Variants in SORCS3 observed in about 807,000 individuals in gnomAD.
The protein encoded by SORCS3 is sortilin related VPS10 domain containing receptor 3.
In SORCS3, 57 loss-of-function variants were observed where a neutral mutation model predicts 146.3. The ratio of observed to expected loss-of-function variants is 0.39; its 90% CI spans 0.31 to 0.49. SORCS3 has a LOEUF of 0.49. Among genes scored for constraint, SORCS3 ranks in the 20% least tolerant of loss-of-function variants. The probability of loss-of-function intolerance (pLI) is 0.92; values close to 1 mark genes in which losing one functional copy is unlikely to be tolerated. For synonymous variants in SORCS3, 653 were observed against 618.5 expected (o/e 1.06, Z -0.83); for missense variants, 1,341 against 1,575.5 (o/e 0.85, Z 2.52).
chr10:104,735,456 G>GTTTTTTTCTTTTTTT (rs2016757681), intron 1 of SORCS3, among the ~76,000 whole-genome samples: 1 of 34,992 alleles, frequency 2.9e-5, no homozygotes, highest in Non-Finnish European at 4.8e-5. Flanking sequence ...CTCACCGTCT[G>GTTTTTTTCTTTTTTT]TTTTTTTTTT....
chr10:105,061,794 T>C (rs1416972645), intron 5 of SORCS3, among the ~76,000 whole-genome samples: 1 of 152,076 alleles, frequency 6.6e-6, no homozygotes. Flanking sequence ...ATAGCACTTG[T>C]GTAGCTGGGA....
rs576532444 is a variant in SORCS3 at position 105,159,569 on chromosome 10, TAA to T, written c.1732+577_1732+578del. 3.1e-4 allele frequency among the ~76,000 whole-genome samples: 47 copies of T among 152,344 alleles called. 2 individuals carry two copies. The highest frequency in any genetic ancestry group is 2.4e-3 in the Admixed American group (37 of 15,300). On this transcript the variant is annotated intron_variant, in intron 11 of 26. Coordinates refer to ENST00000369701, the MANE Select transcript of SORCS3 (RefSeq NM_014978.3). Reference sequence around the variant, plus strand: ...GATAAAGCAACTCTGAGATGAAAGCTAAAGTCTCCGGGGAGTATGCTCTGATT... The same window carrying T: ...GATAAAGCAACTCTGAGATGAAAGCTAGTCTCCGGGGAGTATGCTCTGATT...
chr10:105,146,532 A>T (rs2056132391), intron 8 of SORCS3, among the ~76,000 whole-genome samples: 1 of 152,050 alleles, frequency 6.6e-6, no homozygotes, highest in Admixed American at 6.6e-5. Context: ...GAAAGACCAG[A>T]GACTCTGGTT....
intron 20 of SORCS3, among the ~76,000 whole-genome samples, chr10:105,233,767 C>A (rs2056778005): frequency 6.6e-6 from 1 of 152,170 alleles, no homozygotes; most frequent in Non-Finnish European, 1.5e-5. Context: ...GCATAGTATT[C>A]CATGGTGTAT....
chr10:105,021,790 G>T (rs2055199821), intron 4 of SORCS3, among the ~76,000 whole-genome samples: 1 of 152,200 alleles, frequency 6.6e-6, no homozygotes, highest in Non-Finnish European at 1.5e-5. Context: ...AGAGGAGAAA[G>T]TTGAGAGAGA....
intron 1 of SORCS3, among the ~76,000 whole-genome samples, chr10:104,736,143 C>T (rs550581785): frequency 2.0e-5 from 3 of 152,280 alleles, no homozygotes; most frequent in Non-Finnish European, 4.4e-5. Flanking sequence ...TGTCCTCCTG[C>T]GACTGGACTA....
Position 104,930,678 on chromosome 10 carries a change from T to C in SORCS3, c.795+14746T>C, listed in dbSNP as rs1011992804. ...CAGTGCCAAGCACTGGCATTCCCAC[T>C]TGGAAGCCCCCATAGGGCAGGGGCT... On this transcript the variant is annotated intron_variant, in intron 3 of 26. Transcript: ENST00000369701. 1.2e-4 allele frequency among the ~76,000 whole-genome samples: 18 copies of C among 152,194 alleles called. 1 individual carries two copies. The highest frequency in any genetic ancestry group is 5.2e-4 in the Admixed American group (8 of 15,270).
intron 6 of SORCS3, among the ~76,000 whole-genome samples, chr10:105,102,214 A>G (rs1403036389): frequency 6.6e-6 from 1 of 151,232 alleles, no homozygotes; most frequent in Non-Finnish European, 1.5e-5. Context: ...AATATAAATC[A>G]TTGAACATGC....
intron 1 of SORCS3, among the ~76,000 whole-genome samples, chr10:104,758,182 C>T (rs904019967): frequency 2.0e-5 from 3 of 151,116 alleles, no homozygotes; most frequent in Middle Eastern, 3.4e-3. Flanking sequence ...TGGCAGGATC[C>T]GTTTGCATAT....
chr10:104,926,636 C>G (rs1387652219), intron 3 of SORCS3, among the ~76,000 whole-genome samples: 3 of 152,214 alleles, frequency 2.0e-5, no homozygotes, highest in African/African-American at 7.2e-5. Flanking sequence ...TTCCATCTGC[C>G]TTCGCAAGTG....
At chr10:104,833,628 T>C (rs1195872069) in intron 1 of SORCS3, among the ~76,000 whole-genome samples, 1 of 152,150 alleles carries the variant, frequency 6.6e-6, no homozygotes, top group African/African-American at 2.4e-5. Flanking sequence ...CCAAACAAAC[T>C]GGTTTTTCTG....
chr10:104,642,022 G>GGGGGGGGGGGGGGCCCCCCC, intron 1 of SORCS3, 68 bp downstream of exon 1: 11 of 173,316 alleles, frequency 6.3e-5, no homozygotes, highest in East Asian at 1.5e-4. Context: ...GGGTGGGTGG[G>GGGGGGGGGGGGGGCCCCCCC]AGCGAGGGAC....
intron 4 of SORCS3, among the ~76,000 whole-genome samples, chr10:104,981,205 C>G (rs896928891): frequency 2.0e-5 from 3 of 152,212 alleles, no homozygotes; most frequent in African/African-American, 7.2e-5. Context: ...CTCCTTCTAC[C>G]TCCCATGCCA....
intron 12 of SORCS3, among the ~76,000 whole-genome samples, chr10:105,165,412 G>A (rs2119522101): frequency 6.6e-6 from 1 of 152,236 alleles, no homozygotes; most frequent in South Asian, 2.1e-4. Context: ...TGAATATCTT[G>A]TTAGACAAGT....
intron 13 of SORCS3, among the ~76,000 whole-genome samples, chr10:105,171,355 G>T (rs141136779): frequency 6.6e-6 from 1 of 152,286 alleles, no homozygotes; most frequent in African/African-American, 2.4e-5. Flanking sequence ...TACCTGAGAA[G>T]CATTAGAGTG....
intron 3 of SORCS3, among the ~76,000 whole-genome samples, chr10:104,921,844 T>G (rs1417740981): frequency 1.3e-5 from 2 of 152,144 alleles, no homozygotes; most frequent in Non-Finnish European, 2.9e-5. Flanking sequence ...ATCATCACTC[T>G]ATTAGTGGTA....
intron 8 of SORCS3, among the ~76,000 whole-genome samples, chr10:105,141,785 A>T (rs2056097008): frequency 1.3e-5 from 2 of 152,206 alleles, no homozygotes; most frequent in African/African-American, 4.8e-5. Context: ...GGCAGGTGAT[A>T]GGGAGCAGGT....
intron 16 of SORCS3, among the ~76,000 whole-genome samples, chr10:105,201,477 A>T (rs1011991842): frequency 3.3e-5 from 5 of 152,178 alleles, no homozygotes; most frequent in African/African-American, 1.2e-4. Flanking sequence ...TCACTGATCT[A>T]TCAGAGCAGC....
chr10:105,141,976 A>G (rs1266818868), intron 8 of SORCS3, among the ~76,000 whole-genome samples: 1 of 152,192 alleles, frequency 6.6e-6, no homozygotes, highest in African/African-American at 2.4e-5. Context: ...GTGTTCGACA[A>G]ATCTAAGGAA....
Sources: gnomAD v4.1 joint callset for allele counts (sites outside exome capture counted in the v4.1 genomes callset) on GRCh38, gnomAD v4.1.1 for gene constraint, MANE v1.5 for transcripts, NCBI Gene and HGNC (gene_info 2026-07-23, HGNC 2026-07-21) for gene names.